Variants in DLGAP1 observed in about 807,000 individuals in gnomAD.
DLGAP1 encodes the protein DLG associated protein 1.
DLGAP1 carries 11 observed loss-of-function variants against 90.8 expected under a neutral mutation model. The ratio of observed to expected loss-of-function variants is 0.12; its 90% CI spans 0.08 to 0.20. The LOEUF (loss-of-function observed/expected upper bound fraction) is 0.20. Among genes scored for constraint, DLGAP1 ranks in the 10% least tolerant of loss-of-function variants. The probability of loss-of-function intolerance (pLI) is 1.00; values close to 1 mark genes in which losing one functional copy is unlikely to be tolerated. For missense variants in DLGAP1, 1,050 were observed against 1,333.8 expected (o/e 0.79, Z 3.31); for synonymous variants, 558 against 540.7 (o/e 1.03, Z -0.44).
intron 1 of DLGAP1, among the ~76,000 whole-genome samples, chr18:4,379,552 A>G (rs1310659869): frequency 6.6e-6 from 1 of 152,104 alleles, no homozygotes; most frequent in African/African-American, 2.4e-5. Flanking sequence ...ACTCATACCA[A>G]TCATTCCTGA....
chr18:3,555,636 C>A (rs934997521), intron 9 of DLGAP1, among the ~76,000 whole-genome samples: 23 of 152,100 alleles, frequency 1.5e-4, no homozygotes, highest in African/African-American at 5.3e-4. Flanking sequence ...CATGGTGAAA[C>A]CCCGTCTCTA....
intron 9 of DLGAP1, among the ~76,000 whole-genome samples, chr18:3,546,368 T>C (rs2053015095): frequency 6.9e-6 from 1 of 144,948 alleles, no homozygotes; most frequent in Admixed American, 7.1e-5. Flanking sequence ...TGAGCCAAGA[T>C]AGAGCCACTG....
chr18:3,930,224 C>T (rs1293961674), intron 3 of DLGAP1, among the ~76,000 whole-genome samples: 1 of 152,126 alleles, frequency 6.6e-6, no homozygotes, highest in East Asian at 1.9e-4. Flanking sequence ...ACATTCTTTT[C>T]CTATTTTTCT....
rs530301410 is a variant in DLGAP1 at position 3,519,455 on chromosome 18, A to G, written c.2480-10794T>C. On this transcript the variant is annotated intron_variant, in intron 10 of 12. Transcript: ENST00000315677. ...AACTCTAATTTCCTGAATCTTATCCATTCTCAACTCAACCCCTATTCCCTC... is the reference window on the plus strand; with the variant it reads ...AACTCTAATTTCCTGAATCTTATCCGTTCTCAACTCAACCCCTATTCCCTC... Among the ~76,000 whole-genome samples the G allele has an allele frequency of 9.2e-5, 14 of 152,236 alleles. No homozygotes were observed. The East Asian group carries it at 2.3e-3, about 25-fold the overall frequency.
intron 7 of DLGAP1, among the ~76,000 whole-genome samples, chr18:3,627,355 G>T (rs1367070475): frequency 6.7e-6 from 1 of 150,322 alleles, no homozygotes; most frequent in African/African-American, 2.5e-5. Flanking sequence ...GGCACTGACC[G>T]AGTCCCAGGC....
At chr18:3,938,472 T>C (rs1040916342) in intron 3 of DLGAP1, among the ~76,000 whole-genome samples, 4 of 152,162 alleles carry the variant, frequency 2.6e-5, no homozygotes, top group Non-Finnish European at 5.9e-5. Context: ...GGAAAGGGCA[T>C]TCTTGGCCGA....
intron 1 of DLGAP1, among the ~76,000 whole-genome samples, chr18:4,363,799 A>T (rs1479784558): frequency 6.6e-6 from 1 of 151,974 alleles, no homozygotes. Flanking sequence ...CACTTTTACA[A>T]GGTTGGTGGG....
chr18:3,929,572 A>G (rs1025404612), intron 3 of DLGAP1, among the ~76,000 whole-genome samples: 18 of 152,188 alleles, frequency 1.2e-4, no homozygotes, highest in Admixed American at 3.3e-4. Flanking sequence ...AAGCCTTACT[A>G]TGCGTTACTC....
At chr18:4,159,228 T>C (rs16946124) in intron 1 of DLGAP1, among the ~76,000 whole-genome samples, 2,816 of 152,292 alleles carry the variant, frequency 0.018, 89 homozygotes, top group African/African-American at 0.065. Context: ...CCTTCTAAAA[T>C]ACTATACAGT....
intron 5 of DLGAP1, among the ~76,000 whole-genome samples, chr18:3,776,338 T>G (rs2064936216): frequency 1.3e-5 from 2 of 152,174 alleles, no homozygotes; most frequent in South Asian, 4.1e-4. Context: ...GGGAAAGTAG[T>G]GCTAGCAAGT....
intron 2 of DLGAP1, among the ~76,000 whole-genome samples, chr18:4,081,244 G>T (rs1224071674): frequency 6.9e-6 from 1 of 145,430 alleles, no homozygotes; most frequent in Admixed American, 6.7e-5. Context: ...GAACCCAGGC[G>T]GCGGAGGTTG....
intron 2 of DLGAP1, among the ~76,000 whole-genome samples, chr18:4,036,933 G>A (rs2074897702): frequency 6.6e-6 from 1 of 152,174 alleles, no homozygotes; most frequent in African/African-American, 2.4e-5. Context: ...TTCTTAATAT[G>A]AGTGAATTGC....
At chr18:3,823,701 G>A (rs2067546751) in intron 4 of DLGAP1, among the ~76,000 whole-genome samples, 1 of 152,054 alleles carries the variant, frequency 6.6e-6, no homozygotes, top group African/African-American at 2.4e-5. Context: ...GCTTGGCCCA[G>A]CACTTTGGGA....
intron 4 of DLGAP1, among the ~76,000 whole-genome samples, chr18:3,872,225 C>CAAAAAAAAAAAA (rs5822772): frequency 6.9e-5 from 6 of 87,106 alleles, no homozygotes; most frequent in Non-Finnish European, 1.2e-4. Context: ...CTCTCCAAGA[C>CAAAAAAAAAAAA]AAAAAAAAAA....
In DLGAP1 at chr18:4,097,211, C is replaced by G. The variant is rs1191270277; in HGVS notation, c.-159+53969G>C. 2.0e-5 allele frequency among the ~76,000 whole-genome samples: 3 copies of G among 152,236 alleles called. No individual in the cohort carries two copies. In the South Asian group the frequency reaches 6.2e-4, roughly 32 times the overall value. ...GGATCAGGACTTCGTCCCAACCTCT[C>G]ACTAGTCTACTGCATTATGCTCAGT... On this transcript the variant is annotated intron_variant, in intron 2 of 12. Coordinates refer to ENST00000315677, the MANE Select transcript of DLGAP1 (RefSeq NM_004746.4).
Position 3,988,480 on chromosome 18 carries a change from C to T in DLGAP1, c.-73+16636G>A, listed in dbSNP as rs1052803226. On this transcript the variant is annotated intron_variant, in intron 3 of 12. Coordinates refer to ENST00000315677, the MANE Select transcript of DLGAP1 (RefSeq NM_004746.4). Reference sequence around the variant, plus strand: ...CCACTCCCCAGTGATTGCATCACTGCCTCAGCTCCACCTTGGATCATCAGG... The same window carrying T: ...CCACTCCCCAGTGATTGCATCACTGTCTCAGCTCCACCTTGGATCATCAGG... 2.0e-5 allele frequency among the ~76,000 whole-genome samples: 3 copies of T among 152,262 alleles called. No homozygotes were observed. The East Asian group carries it at 5.8e-4, about 30-fold the overall frequency.
At chr18:4,165,150 C>A (rs1027537424) in intron 1 of DLGAP1, among the ~76,000 whole-genome samples, 10 of 151,998 alleles carry the variant, frequency 6.6e-5, no homozygotes, top group African/African-American at 2.4e-4. Flanking sequence ...AAACTCCAAA[C>A]AAGATAAACC....
At chr18:3,936,225 G>A (rs900754539) in intron 3 of DLGAP1, among the ~76,000 whole-genome samples, 7 of 152,208 alleles carry the variant, frequency 4.6e-5, no homozygotes, top group Non-Finnish European at 7.3e-5. Context: ...ATGTGAATCT[G>A]CTGAAAGCCA....
chr18:4,391,961 T>A (rs1402324249), intron 1 of DLGAP1, among the ~76,000 whole-genome samples: 3 of 152,158 alleles, frequency 2.0e-5, no homozygotes, highest in African/African-American at 7.2e-5. Flanking sequence ...ATTGAGGTAG[T>A]TGGTTTTTAA....
Sources: allele counts gnomAD v4.1 joint callset (sites outside exome capture counted in the v4.1 genomes callset), GRCh38; gene constraint gnomAD v4.1.1; transcripts MANE v1.5; gene names NCBI Gene and HGNC (gene_info 2026-07-23, HGNC 2026-07-21).